Variants in LRBA observed in about 807,000 individuals in gnomAD.
The protein encoded by LRBA is lipopolysaccharide-responsive and beige-like anchor protein.
Under a neutral mutation model 330.0 loss-of-function variants are expected in LRBA, and 176 were observed. That is an observed-to-expected ratio of 0.53 (90% CI 0.47 to 0.60). The LOEUF is 0.60. LRBA is among the 20% of genes least tolerant of loss of function. The pLI, the probability that LRBA is intolerant of heterozygous loss-of-function variation, is 0.00. For synonymous variants in LRBA, 1,230 were observed against 1,193.0 expected, an observed-to-expected ratio of 1.03 and a Z score of -0.64; for missense variants, 3,259 against 3,444.8, an observed-to-expected ratio of 0.95 and a Z score of 1.35.
At chr4:150,489,113 CATATATAATATATAAGAATATATA>C (rs1455077509) in intron 41 of LRBA, among the ~76,000 whole-genome samples, 1 of 40,342 alleles carries the variant, frequency 2.5e-5, no homozygotes, top group Non-Finnish European at 4.0e-5. Context: ...TATTATATAT[CATATATAATATATAAGAATATATA>C]ATATATAATA....
At chr4:150,642,887 A>C (rs988866023) in intron 37 of LRBA, among the ~76,000 whole-genome samples, 1 of 151,874 alleles carries the variant, frequency 6.6e-6, no homozygotes, top group Non-Finnish European at 1.5e-5. Flanking sequence ...AAAATGTTCA[A>C]ATTCTAAAGC....
chr4:150,893,744 C>T (rs151237633), intron 16 of LRBA, among the ~76,000 whole-genome samples: 4 of 152,184 alleles, frequency 2.6e-5, no homozygotes, highest in East Asian at 1.9e-4. Flanking sequence ...GGCACAATCT[C>T]GGCTCACTGC....
chr4:150,739,579 G>C (rs1560753279), intron 35 of LRBA, among the ~76,000 whole-genome samples: 1 of 152,146 alleles, frequency 6.6e-6, no homozygotes, highest in Non-Finnish European at 1.5e-5. Context: ...GATGGGGCTT[G>C]CCTCGAAGCA....
At chr4:150,813,161 TAAAAAA>T (rs368824811) in intron 31 of LRBA, among the ~76,000 whole-genome samples, 18 of 131,482 alleles carry the variant, frequency 1.4e-4, no homozygotes, top group Non-Finnish European at 1.8e-4. Flanking sequence ...CTGTCTCAAT[TAAAAAA>T]AAAAAAAAAG....
chr4:150,630,810 A>T (rs2126668906), intron 37 of LRBA, among the ~76,000 whole-genome samples: 1 of 152,284 alleles, frequency 6.6e-6, no homozygotes, highest in African/African-American at 2.4e-5. Flanking sequence ...GTAGCATTTT[A>T]ACTCTAAGGT....
chr4:150,473,276 C>T (rs1356653983), intron 42 of LRBA, among the ~76,000 whole-genome samples: 3 of 152,118 alleles, frequency 2.0e-5, no homozygotes. Flanking sequence ...AAATCTTTTA[C>T]TCATTTATTG....
intron 37 of LRBA, among the ~76,000 whole-genome samples, chr4:150,656,348 G>A (rs981973741): frequency 3.9e-5 from 6 of 152,146 alleles, no homozygotes; most frequent in Non-Finnish European, 4.4e-5. Flanking sequence ...ATTTCTGGCT[G>A]GGTACTCAGG....
intron 46 of LRBA, chr4:150,422,751 A>T (rs1748995953): frequency 8.3e-7 from 1 of 1,200,018 alleles, no homozygotes; most frequent in Admixed American, 1.9e-5. Flanking sequence ...GGGCTTCTTC[A>T]TGACCTGGTG....
intron 5 of LRBA, among the ~76,000 whole-genome samples, chr4:150,920,805 A>G (rs1338912082): frequency 6.6e-6 from 1 of 152,136 alleles, no homozygotes; most frequent in Non-Finnish European, 1.5e-5. Flanking sequence ...CAGAGCCTCT[A>G]TTTCTTCACT....
At position 150,817,187 on chromosome 4, in the gene LRBA, C is replaced by CATT. The variant is rs779982225; in HGVS notation, c.5239_5241dup (p.Asn1747dup). ...TCTACTGAGGAAACCACACTGACAG[C>CATT]ATTGGTAGGTATGCTTGTATTAAAG... On this transcript the variant is annotated inframe_insertion, in exon 31 of 57. Transcript: ENST00000651943. 6.2e-7 allele frequency: 1 copy of CATT among 1,612,036 alleles called. No individual in the cohort carries two copies. Among genetic ancestry groups the CATT allele is most frequent in the Admixed American group, 1.7e-5 (1 of 59,882 alleles).
chr4:150,759,840 C>T (rs75744613), intron 35 of LRBA, among the ~76,000 whole-genome samples: 1,954 of 152,162 alleles, frequency 0.013, 41 homozygotes, highest in African/African-American at 0.042. Flanking sequence ...AAACTAAAAG[C>T]GCTTGTCAAG....
chr4:150,868,131 T>C (rs370629344), intron 21 of LRBA, 51 bp downstream of exon 21: 3 of 1,542,162 alleles, frequency 1.9e-6, no homozygotes, highest in African/African-American at 1.4e-5. Flanking sequence ...AATGGGCTTA[T>C]ACAAAAGTAC....
chr4:150,496,065 CATAA>C (rs1259129539), intron 40 of LRBA, among the ~76,000 whole-genome samples: 4 of 152,076 alleles, frequency 2.6e-5, no homozygotes, highest in African/African-American at 4.8e-5. Context: ...TATATACACA[CATAA>C]ATATTCTATT....
chr4:150,598,926 G>A (rs1773805514), intron 38 of LRBA, 81 bp downstream of exon 38: 2 of 1,535,670 alleles, frequency 1.3e-6, no homozygotes, highest in Non-Finnish European at 1.8e-6. Context: ...ATTTTACAGT[G>A]CCTTGTAATA....
chr4:150,288,200 C>T (rs1391157805), intron 53 of LRBA, among the ~76,000 whole-genome samples: 1 of 151,718 alleles, frequency 6.6e-6, no homozygotes, highest in East Asian at 2.0e-4. Context: ...ACCGTGGTCT[C>T]GATCTCCTGA....
At chr4:150,973,478 T>A (rs545442379) in intron 2 of LRBA, among the ~76,000 whole-genome samples, 8 of 152,292 alleles carry the variant, frequency 5.3e-5, no homozygotes, top group Admixed American at 1.3e-4. Context: ...AAAATTAAAA[T>A]TTTTTAAATG....
At chr4:150,340,860 G>A (rs1194807070) in intron 48 of LRBA, among the ~76,000 whole-genome samples, 9 of 152,152 alleles carry the variant, frequency 5.9e-5, no homozygotes, top group Non-Finnish European at 1.0e-4. Context: ...AGGACACATC[G>A]ATGAGGAAGA....
At chr4:150,579,240 G>C (rs1318410915) in intron 40 of LRBA, 2 of 456,564 alleles carry the variant, frequency 4.4e-6, no homozygotes. Flanking sequence ...AGAGGTGACA[G>C]GGGCTCTTCA....
intron 48 of LRBA, among the ~76,000 whole-genome samples, chr4:150,340,506 G>A (rs1437659449): frequency 6.6e-6 from 1 of 152,032 alleles, no homozygotes; most frequent in Non-Finnish European, 1.5e-5. Context: ...TAATAGTGAG[G>A]ATGAACTACT....
Sources: gnomAD v4.1 joint callset for allele counts (sites outside exome capture counted in the v4.1 genomes callset) on GRCh38, gnomAD v4.1.1 for gene constraint, MANE v1.5 for transcripts, NCBI Gene and HGNC (gene_info 2026-07-23, HGNC 2026-07-21) for gene names.